The following SEM1 variants were observed in gnomAD, a reference collection of about 807,000 sequenced individuals.
SEM1 encodes 26S proteasome complex subunit SEM1.
A neutral mutation model predicts 12.7 loss-of-function variants in SEM1; 3 were observed. The ratio of observed to expected loss-of-function variants is 0.24; its 90% CI spans 0.11 to 0.61. The LOEUF (loss-of-function observed/expected upper bound fraction) is 0.61. Among genes scored for constraint, SEM1 ranks in the 20% least tolerant of loss-of-function variants. The pLI is 0.88. For missense variants in SEM1, 59 were observed against 81.3 expected, an observed-to-expected ratio of 0.73 and a Z score of 1.06; for synonymous variants, 30 against 27.8, an observed-to-expected ratio of 1.08 and a Z score of -0.25.
In SEM1 at chr7:96,503,249, T is replaced by C. The variant is rs778704874; in HGVS notation, c.*60+3374A>G. Among the ~76,000 whole-genome samples the C allele has an allele frequency of 1.2e-4, 18 of 152,166 alleles. 1 individual carries two copies. The highest frequency in any genetic ancestry group is 1.3e-4 in the Admixed American group (2 of 15,264). ...TCCAAGGACCTATCAATCTATATGCTGTTCTGTTTTATAGTTATTATTATT... is the reference window on the plus strand; with the variant it reads ...TCCAAGGACCTATCAATCTATATGCCGTTCTGTTTTATAGTTATTATTATT... On this transcript the variant is annotated intron_variant and NMD_transcript_variant, in intron 3 of 3. Coordinates refer to the SEM1 transcript ENST00000466986.
At chr7:96,559,741 G>C (rs1408324912) in intron 2 of SEM1, among the ~76,000 whole-genome samples, 1 of 152,170 alleles carries the variant, frequency 6.6e-6, no homozygotes, top group African/African-American at 2.4e-5. Context: ...CACAGAGAAG[G>C]ATACACAACC....
intron 1 of SEM1, among the ~76,000 whole-genome samples, chr7:96,706,570 CAAAAAAAAAAAAAA>C (rs67892273): frequency 6.0e-4 from 47 of 78,074 alleles, no homozygotes; most frequent in Middle Eastern, 0.022. Context: ...CTCAAACAAA[CAAAAAAAAAAAAAA>C]AAAAAAAAAA....
chr7:96,690,832 G>C (rs1242908022), intron 2 of SEM1, among the ~76,000 whole-genome samples: 2 of 152,088 alleles, frequency 1.3e-5, no homozygotes. Context: ...GTGCAGTGGT[G>C]CCATCTCGGC....
chr7:96,581,624 C>T (rs970779914), intron 2 of SEM1, among the ~76,000 whole-genome samples: 7 of 152,016 alleles, frequency 4.6e-5, no homozygotes, highest in Non-Finnish European at 8.8e-5. Flanking sequence ...TCTTCCATTT[C>T]TTTCTATCCT....
chr7:96,589,947 A>C (rs1806776201), intron 2 of SEM1, among the ~76,000 whole-genome samples: 1 of 152,242 alleles, frequency 6.6e-6, no homozygotes, highest in South Asian at 2.1e-4. Flanking sequence ...ATTCAGGCAG[A>C]AAACAATGGA....
intron 2 of SEM1, among the ~76,000 whole-genome samples, chr7:96,592,786 C>A (rs1806868216): frequency 6.6e-6 from 1 of 151,830 alleles, no homozygotes; most frequent in African/African-American, 2.4e-5. Flanking sequence ...AGCATGATTT[C>A]GGTAACTGCC....
At chr7:96,643,637 G>A (rs1435429950) in intron 2 of SEM1, among the ~76,000 whole-genome samples, 1 of 152,052 alleles carries the variant, frequency 6.6e-6, no homozygotes, top group Non-Finnish European at 1.5e-5. Context: ...AAAAAAGGAC[G>A]AGTTCACATC....
At chr7:96,661,177 C>G (rs1040145551) in intron 2 of SEM1, among the ~76,000 whole-genome samples, 1 of 152,076 alleles carries the variant, frequency 6.6e-6, no homozygotes, top group Non-Finnish European at 1.5e-5. Context: ...GGATTCACAC[C>G]CAGGTAGTCT....
intron 1 of SEM1, among the ~76,000 whole-genome samples, chr7:96,703,086 T>C (rs780697192): frequency 6.6e-6 from 1 of 152,198 alleles, no homozygotes; most frequent in Non-Finnish European, 1.5e-5. Context: ...ATCATACAGG[T>C]TGAGTATCCC....
chr7:96,667,983 C>A (rs965031543), intron 2 of SEM1, among the ~76,000 whole-genome samples: 2 of 152,140 alleles, frequency 1.3e-5, no homozygotes, highest in African/African-American at 4.8e-5. Context: ...CTGAAAAATT[C>A]TATTAGCTCC....
downstream of SEM1, among the ~76,000 whole-genome samples, chr7:96,618,006 G>T (rs909133891): frequency 6.6e-6 from 1 of 152,084 alleles, no homozygotes; most frequent in African/African-American, 2.4e-5. Flanking sequence ...TTGTATCTTT[G>T]TCTGGTTTTG....
chr7:96,536,109 C>T (rs1466243630), intron 2 of SEM1, among the ~76,000 whole-genome samples: 2 of 151,880 alleles, frequency 1.3e-5, no homozygotes. Context: ...TCTCTGCAAC[C>T]TCATCAGCAT....
intron 2 of SEM1, among the ~76,000 whole-genome samples, chr7:96,577,480 A>T (rs1227621916): frequency 6.6e-6 from 1 of 152,132 alleles, no homozygotes; most frequent in Non-Finnish European, 1.5e-5. Context: ...ATTAAATAAC[A>T]AAACACCCAG....
At chr7:96,564,985 A>G (rs1247958521) in intron 2 of SEM1, among the ~76,000 whole-genome samples, 1 of 151,984 alleles carries the variant, frequency 6.6e-6, no homozygotes, top group African/African-American at 2.4e-5. Context: ...AATTAGTGAT[A>G]TTCTCACTAC....
chr7:96,560,732 C>G (rs1266939612), intron 2 of SEM1, among the ~76,000 whole-genome samples: 1 of 151,374 alleles, frequency 6.6e-6, no homozygotes, highest in East Asian at 1.9e-4. Flanking sequence ...TAATCATGTG[C>G]TTATAGGATT....
chr7:96,648,360 A>C (rs1275235972), intron 2 of SEM1, among the ~76,000 whole-genome samples: 1 of 152,200 alleles, frequency 6.6e-6, no homozygotes, highest in African/African-American at 2.4e-5. Context: ...CCACAGTGTA[A>C]GTGGACACAG....
chr7:96,687,302 C>T (rs1789790575), downstream of SEM1, among the ~76,000 whole-genome samples: 2 of 152,108 alleles, frequency 1.3e-5, no homozygotes, highest in Admixed American at 6.6e-5. Flanking sequence ...ACCCAAAGGA[C>T]TATAAATTAT....
chr7:96,493,450 A>G lies in SEM1; in HGVS notation c.12+2834T>C, dbSNP rs376221091. Among the ~76,000 whole-genome samples, 14 of 152,222 alleles carry G rather than the reference A, an allele frequency of 9.2e-5. No homozygotes were observed. The South Asian group carries it at 1.2e-3, about 14-fold the overall frequency. ...GACAATTTACCAGTGCCCTTCTCCT[A>G]TAGTCTGCCATACACCATTGTTTAT... On this transcript the variant is annotated intron_variant, in intron 1 of 3. Transcript: ENST00000356686.
chr7:96,537,515 G>T lies in SEM1; in HGVS notation c.171-30817C>A, dbSNP rs534983220. 4.6e-5 allele frequency among the ~76,000 whole-genome samples: 7 copies of T among 151,478 alleles called. No individual in the cohort carries two copies. The South Asian group carries it at 1.2e-3, about 27-fold the overall frequency. On this transcript the variant is annotated intron_variant and NMD_transcript_variant, in intron 2 of 3. Coordinates refer to the SEM1 transcript ENST00000466986. ...TCCCTCACTTTTAAAAGATAATTTT[G>T]CTGGACATGGAATTCTAGATTTTTT...
Sources: allele counts gnomAD v4.1 joint callset (sites outside exome capture counted in the v4.1 genomes callset), GRCh38; gene constraint gnomAD v4.1.1; transcripts MANE v1.5; gene names NCBI Gene and HGNC (gene_info 2026-07-23, HGNC 2026-07-21).